Variants in WWTR1 observed in about 807,000 individuals in gnomAD.
The protein encoded by WWTR1 is WW domain containing transcription regulator 1.
WWTR1 carries 13 observed loss-of-function variants against 40.1 expected under a neutral mutation model. That is an observed-to-expected ratio of 0.32 (90% CI 0.21 to 0.52). WWTR1 has a LOEUF of 0.52. Among genes scored for constraint, WWTR1 ranks in the 20% least tolerant of loss-of-function variants. The probability of loss-of-function intolerance (pLI) is 0.97; values close to 1 mark genes in which losing one functional copy is unlikely to be tolerated. For synonymous variants in WWTR1, 230 were observed against 210.1 expected, an observed-to-expected ratio of 1.09 and a Z score of -0.82; for missense variants, 436 against 523.1, an observed-to-expected ratio of 0.83 and a Z score of 1.63.
intron 3 of WWTR1, among the ~76,000 whole-genome samples, chr3:149,550,619 G>A (rs781715525): frequency 1.3e-5 from 2 of 152,226 alleles, no homozygotes; most frequent in African/African-American, 4.8e-5. Context: ...TTTAGGACAC[G>A]GAGCCAGAGA....
At chr3:149,566,191 T>C (rs1382028759) in intron 3 of WWTR1, among the ~76,000 whole-genome samples, 3 of 152,130 alleles carry the variant, frequency 2.0e-5, no homozygotes, top group Non-Finnish European at 4.4e-5. Context: ...AAATTGATTT[T>C]CTACAGTGTT....
At chr3:149,625,713 C>T (rs1261116842) in intron 2 of WWTR1, among the ~76,000 whole-genome samples, 2 of 151,868 alleles carry the variant, frequency 1.3e-5, no homozygotes, top group African/African-American at 4.8e-5. Context: ...ATCACTTGAA[C>T]CCACGAGGCA....
intron 2 of WWTR1, among the ~76,000 whole-genome samples, chr3:149,626,396 A>C (rs1362718627): frequency 6.6e-6 from 1 of 152,090 alleles, no homozygotes; most frequent in Non-Finnish European, 1.5e-5. Flanking sequence ...TTCCTCCCTT[A>C]AAATCCATCC....
At chr3:149,561,540 A>T (rs1305149159) in intron 3 of WWTR1, among the ~76,000 whole-genome samples, 1 of 152,266 alleles carries the variant, frequency 6.6e-6, no homozygotes, top group East Asian at 1.9e-4. Flanking sequence ...CCACTTCTGC[A>T]AAATTATCCT....
intron 3 of WWTR1, among the ~76,000 whole-genome samples, chr3:149,572,009 C>T (rs376297811): frequency 7.9e-5 from 12 of 152,248 alleles, no homozygotes; most frequent in African/African-American, 2.6e-4. Flanking sequence ...AGTCTAAAAT[C>T]GCACTTATTA....
intron 2 of WWTR1, among the ~76,000 whole-genome samples, chr3:149,590,998 GC>G (rs1738690281): frequency 7.6e-6 from 1 of 131,930 alleles, no homozygotes; most frequent in South Asian, 2.8e-4. Flanking sequence ...GCAAAACTTA[GC>G]TTTTTTTTTT....
chr3:149,714,256 C>T (rs1369567413), intron 5 of WWTR1, among the ~76,000 whole-genome samples: 1 of 152,186 alleles, frequency 6.6e-6, no homozygotes. Context: ...CCTCCCTGTG[C>T]TTAGGGGCTG....
chr3:149,700,459 CTAAT>C (rs1360608878), intron 1 of WWTR1, among the ~76,000 whole-genome samples: 1 of 152,134 alleles, frequency 6.6e-6, no homozygotes, highest in Non-Finnish European at 1.5e-5. Flanking sequence ...AGCTCCACTA[CTAAT>C]TAGTTATTTG....
intron 5 of WWTR1, among the ~76,000 whole-genome samples, chr3:149,717,064 G>A (rs1010963064): frequency 1.3e-5 from 2 of 152,114 alleles, no homozygotes; most frequent in African/African-American, 2.4e-5. Flanking sequence ...GCTATCTGGG[G>A]GCTGACGTGG....
chr3:149,612,992 G>T (rs1027845988), intron 2 of WWTR1, among the ~76,000 whole-genome samples: 3 of 152,130 alleles, frequency 2.0e-5, no homozygotes, highest in African/African-American at 7.2e-5. Flanking sequence ...TTAGAACACG[G>T]TTCCAATGCC....
chr3:149,661,784 G>A (rs2108174837), upstream of WWTR1, among the ~76,000 whole-genome samples: 1 of 144,078 alleles, frequency 6.9e-6, no homozygotes, highest in Non-Finnish European at 1.5e-5. Flanking sequence ...CTAGGCTGGA[G>A]TGCAGTGGCA....
At chr3:149,692,942 C>A (rs970338045) in intron 1 of WWTR1, among the ~76,000 whole-genome samples, 2 of 152,052 alleles carry the variant, frequency 1.3e-5, no homozygotes, top group Admixed American at 1.3e-4. Flanking sequence ...GCTCCACTTT[C>A]ACCACTGTTA....
chr3:149,708,809 A>G (rs1715397776), intron 5 of WWTR1, among the ~76,000 whole-genome samples: 1 of 152,138 alleles, frequency 6.6e-6, no homozygotes. Context: ...CCTGATTTCA[A>G]TTCTTTTGGA....
chr3:149,566,535 C>G (rs565330315), intron 3 of WWTR1, among the ~76,000 whole-genome samples: 1 of 152,004 alleles, frequency 6.6e-6, no homozygotes, highest in African/African-American at 2.4e-5. Context: ...ATGTGTCTGC[C>G]GTGAACTCAC....
intron 1 of WWTR1, among the ~76,000 whole-genome samples, chr3:149,685,083 G>GTTTCGCTA (rs2108207512): frequency 6.6e-6 from 1 of 152,204 alleles, no homozygotes; most frequent in East Asian, 1.9e-4. Context: ...TCAATTTACT[G>GTTTCGCTA]TTTCGCTATT....
chr3:149,639,797 T>C (rs779933137), intron 2 of WWTR1, among the ~76,000 whole-genome samples: 38 of 151,600 alleles, frequency 2.5e-4, no homozygotes, highest in Non-Finnish European at 5.0e-4. Flanking sequence ...ATCGAGACCA[T>C]CCTGGCTAAC....
rs73868043 is a variant in WWTR1, at chr3:149,619,220, G to A, written c.431+37656C>T. On this transcript the variant is annotated intron_variant, in intron 2 of 6. Transcript: ENST00000360632. ...ACTCCTGAAGGCAATCCTATGAGGA[G>A]CCCCCTGAAACTTCTTGAAGAAGAA... 6.8e-3 allele frequency among the ~76,000 whole-genome samples: 1,029 copies of A among 152,172 alleles called. 12 individuals are homozygous for A. The highest frequency in any genetic ancestry group is 0.023 in the African/African-American group (961 of 41,470).
intron 4 of WWTR1, among the ~76,000 whole-genome samples, chr3:149,722,554 A>C (rs1277101757): frequency 6.6e-6 from 1 of 152,006 alleles, no homozygotes; most frequent in Non-Finnish European, 1.5e-5. Flanking sequence ...ATTTCCAGAA[A>C]TTTGTGAATT....
chr3:149,555,256 C>T (rs1209221795), intron 3 of WWTR1, among the ~76,000 whole-genome samples: 2 of 152,066 alleles, frequency 1.3e-5, no homozygotes, highest in African/African-American at 2.4e-5. Context: ...TTTTAGTAAA[C>T]ATCTTTATTA....
Sources: allele counts gnomAD v4.1 joint callset (sites outside exome capture counted in the v4.1 genomes callset), GRCh38; gene constraint gnomAD v4.1.1; transcripts MANE v1.5; gene names NCBI Gene and HGNC (gene_info 2026-07-23, HGNC 2026-07-21).